The following TRAPPC8 variants were observed in gnomAD, a reference collection of about 807,000 sequenced individuals.
TRAPPC8 encodes general sporulation gene 1 homolog.
TRAPPC8 carries 54 observed loss-of-function variants against 174.3 expected under a neutral mutation model. That is an observed-to-expected ratio of 0.31 (90% CI 0.25 to 0.39). TRAPPC8 has a LOEUF of 0.39. Among genes scored for constraint, TRAPPC8 ranks in the 10% least tolerant of loss-of-function variants. The pLI is 1.00. For missense variants in TRAPPC8, 1,531 were observed against 1,699.1 expected, an observed-to-expected ratio of 0.90 and a Z score of 1.74; for synonymous variants, 630 against 579.9, an observed-to-expected ratio of 1.09 and a Z score of -1.24.
intron 12 of TRAPPC8, chr18:31,883,638 T>C (rs535733920): frequency 1.3e-5 from 2 of 152,882 alleles, no homozygotes; most frequent in African/African-American, 2.4e-5. Context: ...CTGAAGAAGA[T>C]GCTACATCAA....
At chr18:31,923,008 C>A (rs1157979443) in intron 2 of TRAPPC8, among the ~76,000 whole-genome samples, 1 of 152,110 alleles carries the variant, frequency 6.6e-6, no homozygotes, top group East Asian at 1.9e-4. Flanking sequence ...CATAATGAGA[C>A]CCTGCCTCAA....
At chr18:31,831,368 C>T (rs1220180037) in intron 28 of TRAPPC8, among the ~76,000 whole-genome samples, 1 of 152,098 alleles carries the variant, frequency 6.6e-6, no homozygotes, top group Non-Finnish European at 1.5e-5. Context: ...ACAAACATCC[C>T]TTTCATCTAA....
At chr18:31,890,672 G>C in intron 12 of TRAPPC8, 63 bp downstream of exon 12, 1 of 1,533,644 alleles carries the variant, frequency 6.5e-7, no homozygotes, top group Non-Finnish European at 8.8e-7. Context: ...TAATAAAAAT[G>C]GACAAATGAC....
At chr18:31,910,079 T>C (rs1356230418) in intron 5 of TRAPPC8, among the ~76,000 whole-genome samples, 1 of 152,170 alleles carries the variant, frequency 6.6e-6, no homozygotes, top group Non-Finnish European at 1.5e-5. Flanking sequence ...CACATACATA[T>C]GCTTATGCCT....
At chr18:31,915,418 G>A (rs1167503081) in intron 4 of TRAPPC8, among the ~76,000 whole-genome samples, 3 of 139,920 alleles carry the variant, frequency 2.1e-5, no homozygotes, top group Non-Finnish European at 3.1e-5. Context: ...AGCCAAGATC[G>A]TGCCACTGCA....
chr18:31,879,480 G>GT (rs2035313985), intron 12 of TRAPPC8, among the ~76,000 whole-genome samples: 1 of 152,116 alleles, frequency 6.6e-6, no homozygotes, highest in South Asian at 2.1e-4. Context: ...CAAAAGCAGT[G>GT]TTAAGAGGAA....
At chr18:31,876,482 T>TC (rs939762180) in intron 12 of TRAPPC8, among the ~76,000 whole-genome samples, 10 of 40,962 alleles carry the variant, frequency 2.4e-4, no homozygotes, top group Non-Finnish European at 4.1e-4. Context: ...ACTGCGAGAC[T>TC]CCATCTCAAA....
At chr18:31,864,281 C>T (rs936673318) in intron 19 of TRAPPC8, among the ~76,000 whole-genome samples, 3 of 151,698 alleles carry the variant, frequency 2.0e-5, no homozygotes, top group East Asian at 3.9e-4. Context: ...TATTCAGATG[C>T]TTCTACATTG....
intron 12 of TRAPPC8, among the ~76,000 whole-genome samples, chr18:31,875,339 T>C (rs1323530368): frequency 2.7e-5 from 4 of 149,124 alleles, no homozygotes; most frequent in Non-Finnish European, 4.5e-5. Flanking sequence ...TAGTAGTATA[T>C]ATAATAATAT....
chr18:31,846,089 T>G (rs1193049084), intron 26 of TRAPPC8, among the ~76,000 whole-genome samples: 5 of 152,206 alleles, frequency 3.3e-5, no homozygotes, highest in Non-Finnish European at 5.9e-5. Context: ...TCTCTACTCT[T>G]AAGCAAATCA....
intron 10 of TRAPPC8, among the ~76,000 whole-genome samples, chr18:31,899,244 A>C (rs533413935): frequency 5.3e-5 from 8 of 152,186 alleles, no homozygotes; most frequent in Admixed American, 3.3e-4. Context: ...TGATTCCAAA[A>C]CCATTTATCC....
At chr18:31,861,434 C>T (rs957178146) in intron 19 of TRAPPC8, among the ~76,000 whole-genome samples, 3 of 151,934 alleles carry the variant, frequency 2.0e-5, no homozygotes, top group Non-Finnish European at 4.4e-5. Flanking sequence ...GTTAAAAATC[C>T]AAGAAGATAT....
At chr18:31,898,579 T>C (rs1568109524) in intron 10 of TRAPPC8, among the ~76,000 whole-genome samples, 1 of 152,244 alleles carries the variant, frequency 6.6e-6, no homozygotes, top group Non-Finnish European at 1.5e-5. Flanking sequence ...GTGTTTCATT[T>C]TGCTGGCTAC....
chr18:31,847,677 AC>A (rs2033482235), intron 25 of TRAPPC8, among the ~76,000 whole-genome samples: 1 of 152,144 alleles, frequency 6.6e-6, no homozygotes, highest in Admixed American at 6.6e-5. Context: ...TATTTGCAAA[AC>A]CCAGAAAGGC....
intron 2 of TRAPPC8, among the ~76,000 whole-genome samples, chr18:31,925,437 T>TA (rs1275190255): frequency 6.6e-6 from 1 of 151,788 alleles, no homozygotes; most frequent in South Asian, 2.1e-4. Flanking sequence ...GATCAGAAGA[T>TA]AAAGTCAAGG....
chr18:31,829,199 T>G lies in TRAPPC8; in HGVS notation c.*1556A>C. The G allele has an allele frequency of 6.6e-6, 1 of 152,186 alleles. No homozygotes were observed. The highest frequency in any genetic ancestry group is 1.9e-4 in the East Asian group (1 of 5,198). The allele number at this position is 152,186 out of a possible 1,614,324, so 9.4% of individuals were successfully genotyped here. A position where few individuals can be genotyped will look rare whatever the true frequency, so the allele number is the denominator to read the frequency against. On this transcript the variant is annotated 3_prime_UTR_variant, in exon 29 of 29. Transcript: ENST00000283351. ...CCTGAGTAATATTCAGGAAGTAATT[T>G]TGAGTGCTTTATTACCTTTATTTTT...
chr18:31,941,040 G>A (rs567613417), intron 1 of TRAPPC8, among the ~76,000 whole-genome samples: 1 of 152,250 alleles, frequency 6.6e-6, no homozygotes, highest in East Asian at 1.9e-4. Flanking sequence ...GACTAAAAAA[G>A]AAAAGTTACA....
At chr18:31,919,408 G>A (rs1340220665) in intron 2 of TRAPPC8, among the ~76,000 whole-genome samples, 1 of 151,388 alleles carries the variant, frequency 6.6e-6, no homozygotes, top group Non-Finnish European at 1.5e-5. Context: ...TGGCGCCCTT[G>A]TGCAATCCCA....
intron 12 of TRAPPC8, among the ~76,000 whole-genome samples, chr18:31,886,876 G>A (rs1166034341): frequency 6.6e-6 from 1 of 152,096 alleles, no homozygotes; most frequent in Non-Finnish European, 1.5e-5. Flanking sequence ...AGCTACTCAG[G>A]AGGCCGAGGC....
Sources: gnomAD v4.1 joint callset for allele counts (sites outside exome capture counted in the v4.1 genomes callset) on GRCh38, gnomAD v4.1.1 for gene constraint, MANE v1.5 for transcripts, NCBI Gene and HGNC (gene_info 2026-07-23, HGNC 2026-07-21) for gene names.